The following PRKCZ variants were observed in gnomAD, a reference collection of about 807,000 sequenced individuals.
PRKCZ encodes protein kinase C zeta, also known as protein kinase C zeta type.
In PRKCZ, 33 loss-of-function variants were observed where a neutral mutation model predicts 79.5. The observed-to-expected ratio is 0.41, with a 90% confidence interval of 0.31 to 0.55. The LOEUF (loss-of-function observed/expected upper bound fraction) is 0.55. PRKCZ is among the 20% of genes least tolerant of loss of function. PRKCZ has a pLI of 0.19. For missense variants in PRKCZ, 578 were observed against 813.5 expected (o/e 0.71, Z 3.52); for synonymous variants, 342 against 320.9 (o/e 1.07, Z -0.70).
chr1:2,160,407 G>A (rs1348028109), intron 10 of PRKCZ, among the ~76,000 whole-genome samples: 1 of 152,188 alleles, frequency 6.6e-6, no homozygotes, highest in East Asian at 1.9e-4. Context: ...GGAGCAGAGT[G>A]GGACTCCGTG....
intron 4 of PRKCZ, among the ~76,000 whole-genome samples, chr1:2,083,010 C>T (rs577066137): frequency 2.0e-5 from 3 of 152,276 alleles, no homozygotes; most frequent in South Asian, 4.1e-4. Flanking sequence ...CCTCCCTCTC[C>T]TCATGTCCTA....
chr1:2,134,575 C>T (rs1460658555), intron 4 of PRKCZ, among the ~76,000 whole-genome samples: 1 of 150,468 alleles, frequency 6.6e-6, no homozygotes, highest in African/African-American at 2.5e-5. Flanking sequence ...TCCGCATGGG[C>T]TGGACTGTCA....
intron 5 of PRKCZ, among the ~76,000 whole-genome samples, chr1:2,137,829 G>C (rs1676527992): frequency 6.6e-6 from 1 of 152,214 alleles, no homozygotes; most frequent in South Asian, 2.1e-4. Flanking sequence ...TGGAGGAAAG[G>C]GTGGCAGGTG....
In PRKCZ at chr1:2,150,981, A is replaced by G; in HGVS notation, c.876+3A>G. 2 of 1,613,190 alleles carry G rather than the reference A, an allele frequency of 1.2e-6. No individual in the cohort carries two copies. The highest frequency in any genetic ancestry group is 1.7e-6 in the Non-Finnish European group (2 of 1,179,924). ...AAGAGCTGGTGCATGATGACGAGGT[A>G]GGTGCCGCTTCTCATGGGGCCCGGG... is the stretch of plus-strand genomic sequence containing the variant. On this transcript the variant is annotated splice_donor_region_variant and intron_variant, in intron 9 of 17. Coordinates refer to ENST00000378567, the MANE Select transcript of PRKCZ (RefSeq NM_002744.6).
chr1:2,103,541 A>T (rs541337601), intron 4 of PRKCZ, among the ~76,000 whole-genome samples: 1 of 152,292 alleles, frequency 6.6e-6, no homozygotes, highest in Middle Eastern at 3.4e-3. Context: ...TCCATCAGTC[A>T]TGCAGTCATG....
At chr1:2,113,502 A>C (rs1670155725) in intron 4 of PRKCZ, among the ~76,000 whole-genome samples, 1 of 152,124 alleles carries the variant, frequency 6.6e-6, no homozygotes, top group African/African-American at 2.4e-5. Flanking sequence ...AGAAACTCGG[A>C]AGTGGCACAG....
At chr1:2,122,125 T>C (rs369943237) in intron 4 of PRKCZ, among the ~76,000 whole-genome samples, 5 of 12,422 alleles carry the variant, frequency 4.0e-4, no homozygotes, top group African/African-American at 3.7e-3. Context: ...AGGGTCACGG[T>C]GGTGGTTAGG....
rs1683166503 is a variant in PRKCZ, at chr1:2,165,645, T to C, written c.975-3873T>C. On this transcript the variant is annotated intron_variant, in intron 10 of 17. Transcript: ENST00000378567. The surrounding 1 kb of genome is among the most constrained non-coding windows in gnomAD (Gnocchi z 4.1). ...ATGCGTTCTAAAACAGAAGCAGCCTTAGACACTGCGTGAAGGGACGCGTGT... is the reference window on the plus strand; with the variant it reads ...ATGCGTTCTAAAACAGAAGCAGCCTCAGACACTGCGTGAAGGGACGCGTGT... Among the ~76,000 whole-genome samples, 1 of 152,200 alleles carries C rather than the reference T, an allele frequency of 6.6e-6. No homozygotes were observed. The highest frequency in any genetic ancestry group is 6.5e-5 in the Admixed American group (1 of 15,286).
chr1:2,066,912 C>T (rs1029259649), intron 4 of PRKCZ, among the ~76,000 whole-genome samples: 3 of 152,174 alleles, frequency 2.0e-5, no homozygotes, highest in African/African-American at 7.2e-5. Flanking sequence ...AAGTTCATCA[C>T]TATAAATTTT....
At chr1:2,180,777 C>T (rs887111085) in intron 16 of PRKCZ, among the ~76,000 whole-genome samples, 16 of 152,170 alleles carry the variant, frequency 1.1e-4, no homozygotes, top group African/African-American at 2.4e-5. Context: ...GTTTGGGCAC[C>T]AGGAGCCTGG....
chr1:2,069,849 G>A (rs1031699916), intron 4 of PRKCZ, among the ~76,000 whole-genome samples: 2 of 152,190 alleles, frequency 1.3e-5, no homozygotes, highest in Admixed American at 6.5e-5. Context: ...GAGGCTCTGG[G>A]GCTCCTAAGT....
chr1:2,163,805 A>G (rs1250100936), intron 10 of PRKCZ, among the ~76,000 whole-genome samples: 4 of 151,970 alleles, frequency 2.6e-5, no homozygotes, highest in Non-Finnish European at 5.9e-5. Context: ...AGGCTGAGGC[A>G]GGAGAATGGC....
At chr1:2,135,381 G>C in intron 5 of PRKCZ, 34 bp downstream of exon 5, 1 of 1,547,264 alleles carries the variant, frequency 6.5e-7, no homozygotes, top group Non-Finnish European at 8.8e-7. Flanking sequence ...TCCCTCAAGG[G>C]GCCTTTTGTT....
intron 4 of PRKCZ, among the ~76,000 whole-genome samples, chr1:2,088,328 C>G (rs907148941): frequency 6.6e-6 from 1 of 152,216 alleles, no homozygotes; most frequent in South Asian, 2.1e-4. Context: ...CCCTCCGCCT[C>G]CCTGTTCCTC....
intron 4 of PRKCZ, among the ~76,000 whole-genome samples, chr1:2,118,639 A>G (rs1439067637): frequency 6.6e-6 from 1 of 151,770 alleles, no homozygotes; most frequent in Non-Finnish European, 1.5e-5. Flanking sequence ...GCCCGGCCAA[A>G]TGTTGCTCTT....
At chr1:2,159,724 T>C (rs761837078) in intron 10 of PRKCZ, among the ~76,000 whole-genome samples, 8 of 152,282 alleles carry the variant, frequency 5.3e-5, no homozygotes, top group South Asian at 2.1e-4. Flanking sequence ...GAGAAACAAT[T>C]CATTCGCAGT....
chr1:2,156,031 G>C lies in PRKCZ; in HGVS notation c.913G>C (p.Glu305Gln), dbSNP rs769149864. 6.2e-6 allele frequency: 10 copies of C among 1,614,020 alleles called. No individual in the cohort carries two copies. Among genetic ancestry groups the C allele is most frequent in the South Asian group, 4.4e-5 (4 of 91,068 alleles). ...DWVQTEKHVF[E>Q]QASSNPFLVG... is the part of the protein sequence containing the mutation. Reference sequence around the variant, plus strand: ...GGTACAGACAGAGAAGCACGTGTTTGAGCAGGCATCCAGCAACCCCTTCCT... The same window carrying C: ...GGTACAGACAGAGAAGCACGTGTTTCAGCAGGCATCCAGCAACCCCTTCCT... The change falls in exon 10 of 18, where the codon GAG becomes CAG. Residue 305 changes from glutamate to glutamine, a missense_variant. Coordinates refer to ENST00000378567, the MANE Select transcript of PRKCZ (RefSeq NM_002744.6).
At chr1:2,155,347 TGGTGATGAC>T (rs903148774) in intron 9 of PRKCZ, among the ~76,000 whole-genome samples, 6 of 151,494 alleles carry the variant, frequency 4.0e-5, no homozygotes, top group Non-Finnish European at 5.9e-5. Flanking sequence ...ATGACAATGG[TGGTGATGAC>T]GGTGATGATG....
rs1183592002 is a variant in PRKCZ at position 2,178,831 on chromosome 1, G to A, written c.1575+3518G>A. Reference sequence around the variant, plus strand: ...CAGGGTCTCTTTCACGGACTGCGGGGAAGGCAGTGGGAGCAGCAGGAATGG... The same window carrying A: ...CAGGGTCTCTTTCACGGACTGCGGGAAAGGCAGTGGGAGCAGCAGGAATGG... On this transcript the variant is annotated intron_variant, in intron 16 of 17. Transcript: ENST00000378567. The surrounding 1 kb of genome is among the most constrained non-coding windows in gnomAD (Gnocchi z 4.3). Among the ~76,000 whole-genome samples, 1 of 152,206 alleles carries A rather than the reference G, an allele frequency of 6.6e-6. No homozygotes were observed. The highest frequency in any genetic ancestry group is 1.5e-5 in the Non-Finnish European group (1 of 68,028).
Sources: allele counts gnomAD v4.1 joint callset (sites outside exome capture counted in the v4.1 genomes callset), GRCh38; gene constraint gnomAD v4.1.1; non-coding constraint Gnocchi (gnomAD v3.1); transcripts MANE v1.5; gene names NCBI Gene and HGNC (gene_info 2026-07-23, HGNC 2026-07-21).